MAP3K5: variants seen among roughly 807,000 people sequenced by gnomAD.
MAP3K5 encodes the protein ASK-1.
In MAP3K5, 56 loss-of-function variants were observed where a neutral mutation model predicts 158.7. That is an observed-to-expected ratio of 0.35 (90% CI 0.28 to 0.44). MAP3K5 has a LOEUF of 0.44. Among genes scored for constraint, MAP3K5 ranks in the 20% least tolerant of loss-of-function variants. The pLI, the probability that MAP3K5 is intolerant of heterozygous loss-of-function variation, is 1.00. For missense variants in MAP3K5, 1,294 were observed against 1,674.8 expected (o/e 0.77, Z 3.97); for synonymous variants, 579 against 601.7 (o/e 0.96, Z 0.55).
chr6:136,680,396 C>T (rs1779882711), intron 7 of MAP3K5, among the ~76,000 whole-genome samples: 1 of 152,146 alleles, frequency 6.6e-6, no homozygotes, highest in Admixed American at 6.6e-5. Flanking sequence ...CCTTTGGAAA[C>T]GTGATCCTTT....
intron 7 of MAP3K5, among the ~76,000 whole-genome samples, chr6:136,692,986 C>A (rs1221674839): frequency 6.6e-6 from 1 of 152,026 alleles, no homozygotes; most frequent in Non-Finnish European, 1.5e-5. Context: ...TTTGCTTATC[C>A]AATAGTCATA....
At chr6:136,612,522 T>C (rs1340013128) in intron 17 of MAP3K5, among the ~76,000 whole-genome samples, 1 of 152,222 alleles carries the variant, frequency 6.6e-6, no homozygotes, top group Non-Finnish European at 1.5e-5. Flanking sequence ...GGCTTTTTGG[T>C]TGATTTTAGG....
chr6:136,563,025 C>A (rs1397310325), intron 26 of MAP3K5, among the ~76,000 whole-genome samples: 6 of 151,900 alleles, frequency 3.9e-5, no homozygotes, highest in Non-Finnish European at 8.8e-5. Flanking sequence ...AGCACATACA[C>A]CCCTAATTTT....
intron 11 of MAP3K5, among the ~76,000 whole-genome samples, chr6:136,649,778 C>T (rs899457374): frequency 1.3e-5 from 2 of 152,214 alleles, no homozygotes; most frequent in African/African-American, 4.8e-5. Context: ...CTATTATATG[C>T]CAGGCTCTGT....
chr6:136,583,539 A>C lies in MAP3K5; in HGVS notation c.3411+16T>G. ...TTTTAGTGTGTGGGAAAACACTGGC[A>C]AAATATCATACTTACAGCATCTTGA... On this transcript the variant is annotated intron_variant, in intron 24 of 29. Transcript: ENST00000359015. 1 of 1,595,894 alleles carries C rather than the reference A, an allele frequency of 6.3e-7. No homozygotes were observed. Among genetic ancestry groups the C allele is most frequent in the Non-Finnish European group, 8.5e-7 (1 of 1,170,582 alleles).
rs1050799708 is a variant in MAP3K5, at chr6:136,601,859, C to G, written c.2800G>C (p.Val934Leu). The change falls in exon 20 of 30, where the codon GTT becomes CTT. Residue 934 changes from valine (V) to leucine (L), a missense_variant. Val to Leu is a conservative substitution (Grantham distance 32). Coordinates refer to ENST00000359015, the MANE Select transcript of MAP3K5 (RefSeq NM_005923.4). ...DKRACANDLL[V>L]DEFLKVSSKK... ...CTTGAAACTTTTAAAAACTCATCAA[C>G]AAGCAAGTCGTTAGCACAGGCTCTC... 2.5e-5 allele frequency: 41 copies of G among 1,614,050 alleles called. No homozygotes were observed. The highest frequency in any genetic ancestry group is 3.2e-5 in the Non-Finnish European group (38 of 1,180,032).
chr6:136,567,105 T>C (rs892388396), intron 26 of MAP3K5, among the ~76,000 whole-genome samples: 1 of 152,204 alleles, frequency 6.6e-6, no homozygotes. Context: ...TAGCAAATTA[T>C]CAAAGGCAAA....
chr6:136,783,894 T>TTG (rs34106004), intron 1 of MAP3K5, among the ~76,000 whole-genome samples: 78,721 of 151,892 alleles, frequency 0.52, 21,211 homozygotes, highest in Admixed American at 0.61. Context: ...TTCCCGGACT[T>TTG]TGTGCTTGTC....
intron 1 of MAP3K5, among the ~76,000 whole-genome samples, chr6:136,737,704 C>G (rs567849585): frequency 6.6e-6 from 1 of 152,238 alleles, no homozygotes; most frequent in African/African-American, 2.4e-5. Flanking sequence ...ATTGTCTATA[C>G]TGTGCAAAGT....
chr6:136,777,288 T>C (rs1295119328), intron 1 of MAP3K5, among the ~76,000 whole-genome samples: 1 of 152,212 alleles, frequency 6.6e-6, no homozygotes, highest in Admixed American at 6.5e-5. Flanking sequence ...CTACAAATCT[T>C]TTTCTTATTC....
intron 7 of MAP3K5, among the ~76,000 whole-genome samples, chr6:136,690,075 C>T (rs946897833): frequency 6.6e-6 from 1 of 152,000 alleles, no homozygotes; most frequent in African/African-American, 2.4e-5. Flanking sequence ...CGATATACTT[C>T]CTACTCAGCT....
intron 8 of MAP3K5, among the ~76,000 whole-genome samples, chr6:136,665,008 A>C (rs866434948): frequency 6.6e-6 from 1 of 152,194 alleles, no homozygotes; most frequent in South Asian, 2.1e-4. Flanking sequence ...TCCTAAGGGC[A>C]CATGTCTCGC....
chr6:136,695,778 G>GA (rs1330034537), intron 6 of MAP3K5, among the ~76,000 whole-genome samples, 173 bp downstream of exon 6: 1 of 151,944 alleles, frequency 6.6e-6, no homozygotes, highest in Non-Finnish European at 1.5e-5. Flanking sequence ...AAATAAATCA[G>GA]AAAAAAATGA....
At chr6:136,621,404 A>G (rs1474371407) in intron 15 of MAP3K5, among the ~76,000 whole-genome samples, 2 of 152,128 alleles carry the variant, frequency 1.3e-5, no homozygotes, top group Non-Finnish European at 1.5e-5. Context: ...TATCCCCGCC[A>G]TATCTGGTTC....
intron 14 of MAP3K5, among the ~76,000 whole-genome samples, chr6:136,624,697 G>T (rs1038262717): frequency 6.6e-6 from 1 of 151,826 alleles, no homozygotes; most frequent in African/African-American, 2.4e-5. Flanking sequence ...ATGACCATGG[G>T]AATTACACAG....
At chr6:136,780,077 T>C (rs1479740627) in intron 1 of MAP3K5, among the ~76,000 whole-genome samples, 2 of 152,168 alleles carry the variant, frequency 1.3e-5, no homozygotes, top group African/African-American at 2.4e-5. Flanking sequence ...GGTCAAAAGG[T>C]ACTGAGTATC....
chr6:136,722,782 G>T (rs1781801529), intron 1 of MAP3K5, among the ~76,000 whole-genome samples: 1 of 151,058 alleles, frequency 6.6e-6, no homozygotes, highest in South Asian at 2.1e-4. Flanking sequence ...AAAATTCTGG[G>T]CTCAAGCGAT....
At chr6:136,620,629 T>C (rs1217403942) in intron 15 of MAP3K5, among the ~76,000 whole-genome samples, 2 of 152,184 alleles carry the variant, frequency 1.3e-5, no homozygotes, top group South Asian at 4.1e-4. Flanking sequence ...CAGCCCATGA[T>C]GTAGCCCAGC....
At chr6:136,669,771 C>T (rs77160992) in intron 7 of MAP3K5, among the ~76,000 whole-genome samples, 6,656 of 152,000 alleles carry the variant, frequency 0.044, 236 homozygotes, top group East Asian at 0.12. Context: ...AACATATATT[C>T]CAAATGTTAG....
Sources: allele counts gnomAD v4.1 joint callset (sites outside exome capture counted in the v4.1 genomes callset), GRCh38; gene constraint gnomAD v4.1.1; transcripts MANE v1.5; gene names NCBI Gene and HGNC (gene_info 2026-07-23, HGNC 2026-07-21).